The following DGCR2 variants were observed in gnomAD, a reference collection of about 807,000 sequenced individuals.
DGCR2 encodes DiGeorge syndrome critical region gene 2, also known as integral membrane protein DGCR2/IDD.
Under a neutral mutation model 51.6 loss-of-function variants are expected in DGCR2, and 24 were observed. The observed-to-expected ratio is 0.47, with a 90% CI of 0.34 to 0.65. The LOEUF (loss-of-function observed/expected upper bound fraction) is 0.65. DGCR2 is among the 30% of genes least tolerant of loss of function. The pLI, the probability that DGCR2 is intolerant of heterozygous loss-of-function variation, is 0.01. For synonymous variants in DGCR2, 340 were observed against 315.4 expected, an observed-to-expected ratio of 1.08 and a Z score of -0.82; for missense variants, 765 against 772.1, an observed-to-expected ratio of 0.99 and a Z score of 0.11.
At chr22:19,055,180 T>G (rs113139469) in intron 6 of DGCR2, among the ~76,000 whole-genome samples, 4,261 of 151,836 alleles carry the variant, frequency 0.028, 102 homozygotes, top group South Asian at 0.067. Flanking sequence ...ATATAATATA[T>G]TATATATATA....
Position 19,084,794 on chromosome 22 carries a change from G to A in DGCR2, c.202+4574C>T, listed in dbSNP as rs1371178782. ...CAGCCCCCGCCCGGCCAGCCGCCCC[G>A]TCCGGGAAGGAGGTGGGGGGGCGCC... On this transcript the variant is annotated intron_variant, in intron 2 of 9. Transcript: ENST00000263196. Among the ~76,000 whole-genome samples, 19 of 123,216 alleles carry A rather than the reference G, an allele frequency of 1.5e-4. 1 individual carries two copies. The highest frequency in any genetic ancestry group is 3.0e-4 in the Admixed American group (4 of 13,146). 80.8% of individuals were successfully genotyped at this position (123,216 alleles called of 152,430 possible).
intron 5 of DGCR2, among the ~76,000 whole-genome samples, chr22:19,059,811 A>T (rs983903763): frequency 7.2e-5 from 11 of 152,106 alleles, no homozygotes; most frequent in African/African-American, 2.7e-4. Flanking sequence ...CTCTGCCACC[A>T]CATCCTCTCC....
chr22:19,114,968 T>C (rs1444697279), intron 1 of DGCR2, among the ~76,000 whole-genome samples: 1 of 152,198 alleles, frequency 6.6e-6, no homozygotes, highest in Non-Finnish European at 1.5e-5. Context: ...TCTGCCATTT[T>C]GCCAGAGGTC....
intron 1 of DGCR2, among the ~76,000 whole-genome samples, chr22:19,120,585 G>A (rs807752): frequency 3.3e-5 from 5 of 151,958 alleles, no homozygotes; most frequent in African/African-American, 9.7e-5. Context: ...AGTCGGGGAC[G>A]TCAGTCACCT....
chr22:19,112,250 G>A (rs1006632052), intron 1 of DGCR2, among the ~76,000 whole-genome samples: 7 of 148,764 alleles, frequency 4.7e-5, no homozygotes, highest in African/African-American at 1.7e-4. Context: ...TCCAGCCTAG[G>A]TGACACAGCA....
chr22:19,085,429 C>T (rs2083004141), intron 2 of DGCR2, among the ~76,000 whole-genome samples: 2 of 152,158 alleles, frequency 1.3e-5, no homozygotes, highest in Non-Finnish European at 2.9e-5. Flanking sequence ...AAATCTAAGC[C>T]CATGCACACC....
chr22:19,104,752 G>C (rs2083243882), intron 1 of DGCR2, among the ~76,000 whole-genome samples: 1 of 152,248 alleles, frequency 6.6e-6, no homozygotes, highest in Non-Finnish European at 1.5e-5. Context: ...ACACCTGGCA[G>C]TAAAGCCTTA....
chr22:19,049,757 G>C (rs1014634946), intron 6 of DGCR2, among the ~76,000 whole-genome samples: 1 of 151,418 alleles, frequency 6.6e-6, no homozygotes, highest in Admixed American at 6.6e-5. Flanking sequence ...AACCCCAGAG[G>C]TGTAGGTTGC....
chr22:19,122,252 G>A lies in DGCR2; in HGVS notation c.-46C>T. ...CCGGGGCGGCTGGAAGGCCGGACCA[G>A]GCCGGACTGAGGGTCAGGGGACCGT... is the stretch of plus-strand genomic sequence containing the variant. On this transcript the variant is annotated 5_prime_UTR_variant, in exon 1 of 10. Transcript: ENST00000263196. 4.2e-6 allele frequency: 6 copies of A among 1,431,600 alleles called. No individual in the cohort carries two copies. Among genetic ancestry groups the A allele is most frequent in the Non-Finnish European group, 5.6e-6 (6 of 1,072,320 alleles). 88.7% of individuals were successfully genotyped at this position (1,431,600 alleles called of 1,614,324 possible).
At chr22:19,071,555 C>T (rs756287589) in intron 2 of DGCR2, among the ~76,000 whole-genome samples, 1 of 152,142 alleles carries the variant, frequency 6.6e-6, no homozygotes, top group Non-Finnish European at 1.5e-5. Flanking sequence ...TTCTACAGAA[C>T]TGACCTGGAC....
chr22:19,060,194 C>A (rs1028004642), intron 5 of DGCR2, among the ~76,000 whole-genome samples: 2 of 152,254 alleles, frequency 1.3e-5, no homozygotes, highest in Non-Finnish European at 2.9e-5. Flanking sequence ...CTAGGCCAGC[C>A]TGGCCCCTCC....
At chr22:19,058,769 G>C (rs1258435492) in intron 5 of DGCR2, among the ~76,000 whole-genome samples, 4 of 152,216 alleles carry the variant, frequency 2.6e-5, no homozygotes, top group Admixed American at 6.5e-5. Context: ...CCCAGCATTT[G>C]CCCACGAAAG....
chr22:19,058,356 T>C (rs2082625451), intron 5 of DGCR2, among the ~76,000 whole-genome samples: 1 of 152,228 alleles, frequency 6.6e-6, no homozygotes, highest in African/African-American at 2.4e-5. Context: ...TCTGCATCTA[T>C]CAGACCCACA....
intron 7 of DGCR2, among the ~76,000 whole-genome samples, chr22:19,044,750 C>A (rs564684485): frequency 5.3e-5 from 8 of 152,378 alleles, no homozygotes; most frequent in Admixed American, 2.6e-4. Context: ...ATCGTTTCAG[C>A]TGCCTGACTG....
chr22:19,074,937 G>T (rs2145985967), intron 2 of DGCR2, among the ~76,000 whole-genome samples: 1 of 152,280 alleles, frequency 6.6e-6, no homozygotes, highest in South Asian at 2.1e-4. Flanking sequence ...AGCTGCACAA[G>T]GAGGTAATTT....
intron 1 of DGCR2, 139 bp from the exon 2 acceptor site, chr22:19,089,629 G>T: frequency 9.6e-7 from 1 of 1,042,436 alleles, no homozygotes; most frequent in Non-Finnish European, 1.3e-6. Context: ...ACCCAGGCTG[G>T]AGTGCCAGTG....
rs2082383322 is a variant in DGCR2 at position 19,037,514 on chromosome 22, T to G, written c.*1351A>C. 6.6e-6 allele frequency: 1 copy of G among 152,326 alleles called. No homozygotes were observed. Among genetic ancestry groups the G allele is most frequent in the East Asian group, 1.9e-4 (1 of 5,194 alleles). 9.4% of individuals were successfully genotyped at this position (152,326 alleles called of 1,614,324 possible). A position where few individuals can be genotyped will look rare whatever the true frequency, so the allele number is the denominator to read the frequency against. On this transcript the variant is annotated 3_prime_UTR_variant, in exon 10 of 10. Coordinates refer to ENST00000263196, the MANE Select transcript of DGCR2 (RefSeq NM_005137.3). ...AGCACTGCCTCAGCACAGCCCAGGA[T>G]GCATCGATGACCCTGGAAGAGTGGG...
intron 1 of DGCR2, among the ~76,000 whole-genome samples, chr22:19,098,125 G>C (rs1295240294): frequency 1.3e-5 from 2 of 152,216 alleles, no homozygotes; most frequent in Middle Eastern, 3.4e-3. Context: ...TAAGCTATCA[G>C]CAGAATGACT....
At chr22:19,066,304 G>C (rs1198660156) in intron 3 of DGCR2, among the ~76,000 whole-genome samples, 1 of 152,204 alleles carries the variant, frequency 6.6e-6, no homozygotes, top group Non-Finnish European at 1.5e-5. Flanking sequence ...GGGAGGCTGA[G>C]GTTGGAGGAT....
Sources: allele counts gnomAD v4.1 joint callset (sites outside exome capture counted in the v4.1 genomes callset), GRCh38; gene constraint gnomAD v4.1.1; transcripts MANE v1.5; gene names NCBI Gene and HGNC (gene_info 2026-07-23, HGNC 2026-07-21).